MYH10: variants seen among roughly 807,000 people sequenced by gnomAD.
MYH10 encodes the protein myosin-10.
Under a neutral mutation model 257.8 loss-of-function variants are expected in MYH10, and 55 were observed. That is an observed-to-expected ratio of 0.21 (90% CI 0.17 to 0.27). The LOEUF is 0.27. MYH10 is among the 10% of genes least tolerant of loss of function. The pLI is 1.00. For missense variants in MYH10, 1,631 were observed against 2,500.6 expected, an observed-to-expected ratio of 0.65 and a Z score of 7.42; for synonymous variants, 854 against 921.7, an observed-to-expected ratio of 0.93 and a Z score of 1.33.
At chr17:8,585,284 G>GTTTATATATATATATATATATATATA (rs1380120586) in intron 4 of MYH10, among the ~76,000 whole-genome samples, 1 of 6,396 alleles carries the variant, frequency 1.6e-4, no homozygotes, top group Non-Finnish European at 1.2e-3. Context: ...GCATGTGTGT[G>GTTTATATATATATATATATATATATA]TGTGTATATA....
intron 34 of MYH10, among the ~76,000 whole-genome samples, chr17:8,491,089 A>G (rs1464929195): frequency 6.6e-6 from 1 of 152,188 alleles, no homozygotes; most frequent in Non-Finnish European, 1.5e-5. Context: ...CTCTGCGCCA[A>G]GCACTGTGCT....
At chr17:8,626,578 A>AAATAGT (rs2085685964) in intron 1 of MYH10, among the ~76,000 whole-genome samples, 1 of 140,190 alleles carries the variant, frequency 7.1e-6, no homozygotes, top group Admixed American at 7.2e-5. Context: ...AAATAATAAT[A>AAATAGT]AATAATAATA....
Position 8,569,961 on chromosome 17 carries a change from GCTT to G in MYH10, c.664-152_664-150del. The G allele has an allele frequency of 1.7e-6, 1 of 573,252 alleles. No homozygotes were observed. Among genetic ancestry groups the G allele is most frequent in the Non-Finnish European group, 2.9e-6 (1 of 340,072 alleles). The allele number at this position is 573,252 out of a possible 1,614,324, so 35.5% of individuals were successfully genotyped here. ...GTCTGCCATCCAGCAACTTTTGTTG[GCTT>G]CTTAATCCTGGTTATGATAATGGAC... is the stretch of plus-strand genomic sequence containing the variant. On this transcript the variant is annotated intron_variant, in intron 6 of 42. Coordinates refer to ENST00000360416, the MANE Select transcript of MYH10 (RefSeq NM_001256012.3). This position sits in a 1 kb window ranked among gnomAD's most constrained non-coding sequence, Gnocchi z 4.1.
At chr17:8,571,927 CT>C (rs10654533) in intron 6 of MYH10, among the ~76,000 whole-genome samples, 4 of 147,284 alleles carry the variant, frequency 2.7e-5, no homozygotes, top group African/African-American at 7.5e-5. Context: ...CTCTAAAAGC[CT>C]TTTTTTTTTT....
At chr17:8,514,664 A>G (rs2081407517) in intron 21 of MYH10, among the ~76,000 whole-genome samples, 1 of 150,984 alleles carries the variant, frequency 6.6e-6, no homozygotes, top group South Asian at 2.1e-4. Context: ...GCCCAAATGA[A>G]GCTCATTACC....
chr17:8,594,641 C>T (rs561613499), intron 3 of MYH10, among the ~76,000 whole-genome samples: 2 of 152,138 alleles, frequency 1.3e-5, no homozygotes, highest in African/African-American at 4.8e-5. Context: ...AATGTTGACC[C>T]CCGTTATCTG....
chr17:8,621,858 G>A (rs775536683), intron 2 of MYH10, among the ~76,000 whole-genome samples: 6 of 152,140 alleles, frequency 3.9e-5, no homozygotes, highest in Admixed American at 2.0e-4. Flanking sequence ...GCTGGAGAAA[G>A]CCATTCTCCT....
chr17:8,617,423 GC>G (rs1418449292), intron 2 of MYH10, among the ~76,000 whole-genome samples: 35 of 152,232 alleles, frequency 2.3e-4, no homozygotes, highest in African/African-American at 7.5e-4. Context: ...CTGAGATACT[GC>G]ACTAGTCCTC....
At chr17:8,486,502 T>G (rs576523259) in intron 36 of MYH10, among the ~76,000 whole-genome samples, 2 of 143,066 alleles carry the variant, frequency 1.4e-5, no homozygotes, top group Non-Finnish European at 3.0e-5. Flanking sequence ...AGACTCTATC[T>G]CTGGGAAAAA....
intron 7 of MYH10, among the ~76,000 whole-genome samples, chr17:8,563,920 G>GAAAATAA (rs1567906714): frequency 6.7e-6 from 1 of 149,984 alleles, no homozygotes; most frequent in East Asian, 1.9e-4. Flanking sequence ...GAGAGAGAAA[G>GAAAATAA]AAAATAAAAG....
chr17:8,476,637 C>T (rs1912673500), intron 42 of MYH10, among the ~76,000 whole-genome samples: 1 of 152,228 alleles, frequency 6.6e-6, no homozygotes, highest in African/African-American at 2.4e-5. Context: ...GACCCAGCTC[C>T]AGCCTGGTGT....
chr17:8,484,792 G>A (rs1306208465), intron 36 of MYH10, among the ~76,000 whole-genome samples: 18 of 152,156 alleles, frequency 1.2e-4, no homozygotes. Flanking sequence ...ATGAACAGAA[G>A]GAAATTTCTT....
chr17:8,536,634 A>G (rs957105759), intron 14 of MYH10, among the ~76,000 whole-genome samples: 1 of 152,150 alleles, frequency 6.6e-6, no homozygotes, highest in Non-Finnish European at 1.5e-5. Context: ...CCCCGCCTCT[A>G]CTAAAAATAC....
chr17:8,584,945 G>C (rs557880025), intron 4 of MYH10, among the ~76,000 whole-genome samples: 12 of 152,088 alleles, frequency 7.9e-5, no homozygotes, highest in Non-Finnish European at 1.6e-4. Flanking sequence ...CCGGGTTCAA[G>C]CAATTCTTCT....
At chr17:8,612,231 G>A (rs2085068502) in intron 2 of MYH10, among the ~76,000 whole-genome samples, 1 of 152,122 alleles carries the variant, frequency 6.6e-6, no homozygotes, top group African/African-American at 2.4e-5. Context: ...CCAAGCACAA[G>A]AGTAGTGATG....
intron 4 of MYH10, among the ~76,000 whole-genome samples, chr17:8,582,167 A>G (rs190181181): frequency 9.1e-4 from 139 of 152,324 alleles, no homozygotes; most frequent in Admixed American, 1.4e-3. Flanking sequence ...TAAATCTTGG[A>G]AAAATAGAAA....
chr17:8,558,823 G>A (rs2082893242), intron 7 of MYH10, among the ~76,000 whole-genome samples: 1 of 152,132 alleles, frequency 6.6e-6, no homozygotes, highest in South Asian at 2.1e-4. Context: ...GCATCAATTA[G>A]AATGGTCAAC....
chr17:8,587,851 G>T (rs2083967315), intron 4 of MYH10, among the ~76,000 whole-genome samples: 1 of 152,074 alleles, frequency 6.6e-6, no homozygotes, highest in Non-Finnish European at 1.5e-5. Flanking sequence ...TCTAGAAATT[G>T]TATTTTATTT....
rs763381478 is a variant in MYH10 at position 8,492,760 on chromosome 17, C to T, written c.4458+16G>A. 15 of 1,610,426 alleles carry T rather than the reference C, an allele frequency of 9.3e-6. No homozygotes were observed. Among genetic ancestry groups the T allele is most frequent in the Non-Finnish European group, 1.3e-5 (15 of 1,179,236 alleles). On this transcript the variant is annotated intron_variant, in intron 33 of 42. Coordinates refer to ENST00000360416, the MANE Select transcript of MYH10 (RefSeq NM_001256012.3). ...CAAGAGCTCTGCCAGGAGGAAACGACACGTGGCCGACCCACCTGGTCAAAC... is the reference window on the plus strand; with the variant it reads ...CAAGAGCTCTGCCAGGAGGAAACGATACGTGGCCGACCCACCTGGTCAAAC...
Sources: gnomAD v4.1 joint callset for allele counts (sites outside exome capture counted in the v4.1 genomes callset) on GRCh38, gnomAD v4.1.1 for gene constraint, Gnocchi (gnomAD v3.1) non-coding constraint, MANE v1.5 for transcripts, NCBI Gene and HGNC (gene_info 2026-07-23, HGNC 2026-07-21) for gene names.